ADAMTS20: variants seen among roughly 807,000 people sequenced by gnomAD.
ADAMTS20 encodes the protein ADAM metallopeptidase with thrombospondin type 1 motif 20, also known as A disintegrin and metalloproteinase with thrombospondin motifs 20.
Under a neutral mutation model 260.1 loss-of-function variants are expected in ADAMTS20, and 225 were observed. The observed-to-expected ratio is 0.87, with a 90% CI of 0.78 to 0.97. ADAMTS20 has a LOEUF of 0.97. Ranked by LOEUF, ADAMTS20 falls within the 50% of genes least tolerant of loss-of-function variation. The pLI is 0.00. For missense variants in ADAMTS20, 2,400 were observed against 2,337.7 expected, an observed-to-expected ratio of 1.03 and a Z score of -0.55; for synonymous variants, 802 against 769.5, an observed-to-expected ratio of 1.04 and a Z score of -0.70.
intron 38 of ADAMTS20, among the ~76,000 whole-genome samples, chr12:43,355,200 G>T (rs1207913208): frequency 2.6e-5 from 4 of 152,206 alleles, no homozygotes; most frequent in Non-Finnish European, 5.9e-5. Context: ...TAACTCTGGA[G>T]AATCTGAGTA....
intron 7 of ADAMTS20, among the ~76,000 whole-genome samples, chr12:43,472,698 A>G (rs1942285528): frequency 6.8e-6 from 1 of 147,266 alleles, no homozygotes; most frequent in Non-Finnish European, 1.5e-5. Context: ...TCTTAAAGAA[A>G]AGAATTTTCA....
At chr12:43,528,607 T>C (rs1283538683) in intron 3 of ADAMTS20, among the ~76,000 whole-genome samples, 1 of 151,832 alleles carries the variant, frequency 6.6e-6, no homozygotes, top group Non-Finnish European at 1.5e-5. Flanking sequence ...TAGTCACCTG[T>C]AGAAGAATGA....
intron 3 of ADAMTS20, among the ~76,000 whole-genome samples, chr12:43,530,508 G>A (rs1943205469): frequency 1.3e-5 from 2 of 152,130 alleles, no homozygotes; most frequent in Admixed American, 6.6e-5. Flanking sequence ...CCACTCTAAA[G>A]GTTAAGAAGT....
At chr12:43,415,592 A>G (rs914597588) in intron 28 of ADAMTS20, among the ~76,000 whole-genome samples, 3 of 152,148 alleles carry the variant, frequency 2.0e-5, no homozygotes, top group African/African-American at 7.2e-5. Context: ...ATTCCATTTT[A>G]TCCTTAAAAA....
chr12:43,381,653 T>C (rs141200502), intron 31 of ADAMTS20, among the ~76,000 whole-genome samples: 136 of 148,090 alleles, frequency 9.2e-4, no homozygotes, highest in African/African-American at 3.1e-3. Context: ...TGGTGGCACA[T>C]GGCTGTAGTC....
Position 43,399,211 on chromosome 12 carries a change from C to A in ADAMTS20, c.4307G>T (p.Gly1436Val). ...GCAAAACACTTCACGGTACTTTCTA[C>A]CTTTACCACAAGAAGCTGAGCACTA... ...WTSCSASCGK[G>V]RKYREVFCID... The change falls in exon 29 of 39, where the codon GGT becomes GTT. Residue 1436 changes from glycine (G) to valine (V), a missense_variant. Transcript: ENST00000389420. 6.5e-7 allele frequency: 1 copy of A among 1,544,620 alleles called. No individual in the cohort carries two copies. Among genetic ancestry groups the A allele is most frequent in the Non-Finnish European group, 8.7e-7 (1 of 1,147,536 alleles).
intron 16 of ADAMTS20, among the ~76,000 whole-genome samples, 184 bp downstream of exon 16, chr12:43,443,607 T>G (rs1434486114): frequency 6.6e-6 from 1 of 152,228 alleles, no homozygotes; most frequent in Non-Finnish European, 1.5e-5. Context: ...TAAGTTTTTT[T>G]TTTTTAAGTA....
chr12:43,485,375 C>T (rs898356712), intron 7 of ADAMTS20, among the ~76,000 whole-genome samples: 5 of 152,026 alleles, frequency 3.3e-5, no homozygotes, highest in Non-Finnish European at 7.4e-5. Flanking sequence ...TCCAACATCC[C>T]TTTATGATAA....
At chr12:43,457,671 G>C (rs1941988901) in intron 11 of ADAMTS20, among the ~76,000 whole-genome samples, 1 of 152,148 alleles carries the variant, frequency 6.6e-6, no homozygotes, top group African/African-American at 2.4e-5. Flanking sequence ...TGATACATTA[G>C]CTAGAATAAA....
chr12:43,501,479 G>GCACACACACACACA (rs746038595), intron 4 of ADAMTS20, among the ~76,000 whole-genome samples: 13 of 67,128 alleles, frequency 1.9e-4, no homozygotes, highest in Middle Eastern at 9.3e-3. Context: ...GCGCGCGCGC[G>GCACACACACACACA]CGCACACACA....
Position 43,380,962 on chromosome 12 carries a change from C to T in ADAMTS20, c.4797+2596G>A, listed in dbSNP as rs140374194. Among the ~76,000 whole-genome samples, 563 of 152,242 alleles carry T rather than the reference C, an allele frequency of 3.7e-3. 2 individuals carry two copies. The highest frequency in any genetic ancestry group is 5.6e-3 in the Admixed American group (85 of 15,286). ...AAGAGGAAGGAAAAAAGTTGGTTCA[C>T]TCATACTTCCTGACTTCAAAACTTA... On this transcript the variant is annotated intron_variant, in intron 31 of 38. Coordinates refer to ENST00000389420, the MANE Select transcript of ADAMTS20 (RefSeq NM_025003.5).
intron 7 of ADAMTS20, among the ~76,000 whole-genome samples, chr12:43,469,420 A>G (rs1260799868): frequency 6.6e-6 from 1 of 152,156 alleles, no homozygotes; most frequent in Non-Finnish European, 1.5e-5. Flanking sequence ...AGCAATAATT[A>G]TCATATATGC....
chr12:43,520,320 T>C (rs1283749526), intron 3 of ADAMTS20, among the ~76,000 whole-genome samples: 2 of 151,902 alleles, frequency 1.3e-5, no homozygotes, highest in African/African-American at 4.8e-5. Context: ...GTAGTTAAAA[T>C]TAAGAAAGTA....
At position 43,359,475 on chromosome 12, in the gene ADAMTS20, C is replaced by T. The variant is rs111661322; in HGVS notation, c.5539-2887G>A. ...ATAATACCAATACAAATTTTCCACC[C>T]AGAATCTTTGTACATACGGAGAGTT... On this transcript the variant is annotated intron_variant, in intron 37 of 38. Coordinates refer to ENST00000389420, the MANE Select transcript of ADAMTS20 (RefSeq NM_025003.5). Among the ~76,000 whole-genome samples the T allele has an allele frequency of 1.5e-3, 233 of 152,216 alleles. 4 individuals are homozygous for T. Among genetic ancestry groups the T allele is most frequent in the African/African-American group, 5.1e-3 (213 of 41,536 alleles).
At position 43,492,622 on chromosome 12, in the gene ADAMTS20, G is replaced by A. The variant is rs145277890; in HGVS notation, c.959C>T (p.Pro320Leu). The change falls in exon 6 of 39, where the codon CCA becomes CTA. Residue 320 changes from proline (P) to leucine (L), a missense_variant. By Grantham distance (98) the Pro-to-Leu change is moderately conservative. Transcript: ENST00000389420. Reference protein sequence around the residue: ...LVMIHREEEGPVINFDGATTL... With the variant: ...LVMIHREEEGLVINFDGATTL... ...GGTAGCACCATCAAAATTAATGACT[G>A]GTCCTTCCTATGCAAAATAAGCAAT... 1 of 1,613,496 alleles carries A rather than the reference G, an allele frequency of 6.2e-7. No homozygotes were observed. The highest frequency in any genetic ancestry group is 1.3e-5 in the African/African-American group (1 of 74,864).
At chr12:43,531,686 A>G (rs187291683) in intron 3 of ADAMTS20, among the ~76,000 whole-genome samples, 2 of 152,250 alleles carry the variant, frequency 1.3e-5, no homozygotes, top group East Asian at 3.9e-4. Flanking sequence ...TCAGTTACAT[A>G]CAAGGAATAG....
At chr12:43,439,403 G>A (rs1401760852) in intron 18 of ADAMTS20, among the ~76,000 whole-genome samples, 2 of 151,962 alleles carry the variant, frequency 1.3e-5, no homozygotes, top group African/African-American at 4.8e-5. Context: ...GATAGAGAAG[G>A]GTGAAAAGAG....
rs1942054178 is a variant in ADAMTS20, at chr12:43,460,990, T to TATATATA, written c.1614+1904_1614+1905insTATATAT. Among the ~76,000 whole-genome samples, 12 of 27,818 alleles carry TATATATA rather than the reference T, an allele frequency of 4.3e-4. No homozygotes were observed. The Admixed American group carries it at 4.4e-3, about 10-fold the overall frequency. The allele number at this position is 27,818 out of a possible 152,430, so 18.2% of individuals were successfully genotyped here. A position where few individuals can be genotyped will look rare whatever the true frequency, so the allele number is the denominator to read the frequency against. ...TATATATATATATATATATATATAT[T>TATATATA]TTTTTTTTTTTTTTTTTTTTTGAGA... is the stretch of plus-strand genomic sequence containing the variant. On this transcript the variant is annotated intron_variant, in intron 11 of 38. Coordinates refer to ENST00000389420, the MANE Select transcript of ADAMTS20 (RefSeq NM_025003.5).
chr12:43,481,531 T>C (rs1942441965), intron 7 of ADAMTS20, among the ~76,000 whole-genome samples: 1 of 152,156 alleles, frequency 6.6e-6, no homozygotes, highest in Non-Finnish European at 1.5e-5. Context: ...AGAGGAAATA[T>C]ATTGCCATAA....
Sources: gnomAD v4.1 joint callset for allele counts (sites outside exome capture counted in the v4.1 genomes callset) on GRCh38, gnomAD v4.1.1 for gene constraint, MANE v1.5 for transcripts, NCBI Gene and HGNC (gene_info 2026-07-23, HGNC 2026-07-21) for gene names.